MEGF10: variants seen among roughly 807,000 people sequenced by gnomAD.
MEGF10 encodes the protein multiple epidermal growth factor-like domains protein 10.
In MEGF10, 86 loss-of-function variants were observed where a neutral mutation model predicts 147.5. The ratio of observed to expected loss-of-function variants is 0.58; its 90% CI spans 0.49 to 0.70. The LOEUF is 0.70. Ranked by LOEUF, MEGF10 falls within the 30% of genes least tolerant of loss-of-function variation. The pLI is 0.00. For missense variants in MEGF10, 1,329 were observed against 1,487.3 expected (o/e 0.89, Z 1.75); for synonymous variants, 478 against 525.5 (o/e 0.91, Z 1.24).
intron 4 of MEGF10, among the ~76,000 whole-genome samples, chr5:127,359,053 G>GTTTTTTTTTTTTTTTTTTTTTT (rs199971770): frequency 6.8e-6 from 1 of 146,442 alleles, no homozygotes; most frequent in Non-Finnish European, 1.5e-5. Flanking sequence ...AACACAAGCT[G>GTTTTTTTTTTTTTTTTTTTTTT]TTTTGTTTTT....
In MEGF10 at chr5:127,457,436, G is replaced by C. The variant is rs1766408268; in HGVS notation, c.*118G>C. The C allele has an allele frequency of 8.8e-7, 1 of 1,140,224 alleles. No homozygotes were observed. Among genetic ancestry groups the C allele is most frequent in the Admixed American group, 2.8e-5 (1 of 35,888 alleles). The allele number at this position is 1,140,224 out of a possible 1,614,324, so 70.6% of individuals were successfully genotyped here. The stretch of plus-strand genomic sequence containing the variant: ...TTAGTCAATTCGGTGGGCAATTTTT[G>C]GACATGAACCAGAAAGCTGAAAGCT... On this transcript the variant is annotated 3_prime_UTR_variant, in exon 25 of 25. Transcript: ENST00000503335.
At chr5:127,429,852 T>C (rs900873191) in intron 13 of MEGF10, among the ~76,000 whole-genome samples, 3 of 152,186 alleles carry the variant, frequency 2.0e-5, no homozygotes, top group African/African-American at 4.8e-5. Context: ...AATTTAGTTG[T>C]GCCCCTTCCT....
intron 5 of MEGF10, among the ~76,000 whole-genome samples, chr5:127,388,147 A>G (rs1199599863): frequency 6.6e-6 from 1 of 152,014 alleles, no homozygotes; most frequent in African/African-American, 2.4e-5. Flanking sequence ...TTTGTATAGT[A>G]TTATCATTAT....
chr5:127,400,058 C>A (rs1764067890), intron 7 of MEGF10, among the ~76,000 whole-genome samples: 1 of 152,224 alleles, frequency 6.6e-6, no homozygotes, highest in African/African-American at 2.4e-5. Context: ...CTGGTATTGC[C>A]TTTTCTTGTG....
chr5:127,408,878 A>G (rs1764438309), intron 8 of MEGF10, among the ~76,000 whole-genome samples: 1 of 152,172 alleles, frequency 6.6e-6, no homozygotes, highest in South Asian at 2.1e-4. Context: ...GGAGTTTGAA[A>G]CCAGCCTGGG....
At chr5:127,410,687 T>A in intron 9 of MEGF10, 86 bp downstream of exon 9, 1 of 1,247,852 alleles carries the variant, frequency 8.0e-7, no homozygotes, top group Non-Finnish European at 1.1e-6. Flanking sequence ...ATTGATAGAG[T>A]GATTCTCACC....
At chr5:127,375,576 C>A (rs1195867190) in intron 5 of MEGF10, among the ~76,000 whole-genome samples, 1 of 152,162 alleles carries the variant, frequency 6.6e-6, no homozygotes, top group East Asian at 1.9e-4. Flanking sequence ...AATGCGTATC[C>A]TAGCTTTTAT....
chr5:127,283,382 C>T, the MEGF10 span, among the ~76,000 whole-genome samples: 1 of 152,274 alleles, frequency 6.6e-6, no homozygotes, highest in Admixed American at 6.5e-5. Flanking sequence ...CATGTCTTTA[C>T]TTCTGTGATT....
At chr5:127,435,724 A>T (rs918009777) in intron 16 of MEGF10, among the ~76,000 whole-genome samples, 1 of 152,098 alleles carries the variant, frequency 6.6e-6, no homozygotes, top group Non-Finnish European at 1.5e-5. Flanking sequence ...CTAAATATGT[A>T]ACATTTTCCT....
chr5:127,267,838 A>T, the MEGF10 span, among the ~76,000 whole-genome samples: 1 of 152,034 alleles, frequency 6.6e-6, no homozygotes, highest in Admixed American at 6.6e-5. Context: ...TCTTGCAAGC[A>T]GTCTATCAAT....
intron 13 of MEGF10, among the ~76,000 whole-genome samples, chr5:127,432,397 G>T (rs958334121): frequency 1.3e-5 from 2 of 152,202 alleles, no homozygotes; most frequent in East Asian, 3.8e-4. Context: ...GTGGTACTGG[G>T]TGGTTGTTAG....
intron 4 of MEGF10, among the ~76,000 whole-genome samples, chr5:127,345,462 G>A (rs983001001): frequency 6.6e-6 from 1 of 152,060 alleles, no homozygotes; most frequent in Non-Finnish European, 1.5e-5. Flanking sequence ...CAGAGAGTGT[G>A]GGCAACAGTG....
chr5:127,236,790 C>G, the MEGF10 span, among the ~76,000 whole-genome samples: 1 of 152,194 alleles, frequency 6.6e-6, no homozygotes, highest in Non-Finnish European at 1.5e-5. Flanking sequence ...TCTGTACTCC[C>G]AAAACATTTT....
the MEGF10 span, among the ~76,000 whole-genome samples, chr5:127,250,045 C>A: frequency 6.6e-6 from 1 of 152,074 alleles, no homozygotes; most frequent in Non-Finnish European, 1.5e-5. Flanking sequence ...CCTCTTAATA[C>A]TATTAAAATG....
At chr5:127,334,757 A>G (rs952262891) in intron 2 of MEGF10, among the ~76,000 whole-genome samples, 1 of 152,158 alleles carries the variant, frequency 6.6e-6, no homozygotes, top group Non-Finnish European at 1.5e-5. Flanking sequence ...TCTTCTAAAG[A>G]AGGCACAAGT....
chr5:127,291,960 G>T (rs1396693788), intron 1 of MEGF10, among the ~76,000 whole-genome samples: 1 of 152,182 alleles, frequency 6.6e-6, no homozygotes, highest in Non-Finnish European at 1.5e-5. Context: ...TGATAACCAT[G>T]CTGTGCCAAG....
At chr5:127,323,557 A>G (rs143217860) in intron 1 of MEGF10, among the ~76,000 whole-genome samples, 57 of 152,370 alleles carry the variant, frequency 3.7e-4, no homozygotes, top group Middle Eastern at 3.4e-3. Flanking sequence ...AAAGATGCCA[A>G]TGAAATGATG....
intron 5 of MEGF10, among the ~76,000 whole-genome samples, chr5:127,388,070 A>G (rs1030997158): frequency 1.3e-5 from 2 of 152,212 alleles, no homozygotes; most frequent in African/African-American, 4.8e-5. Flanking sequence ...CCTAATTTTC[A>G]GATCCATATA....
chr5:127,398,859 G>A, intron 7 of MEGF10, 63 bp downstream of exon 7: 1 of 1,600,920 alleles, frequency 6.2e-7, no homozygotes, highest in Admixed American at 1.7e-5. Flanking sequence ...GATACTCAGT[G>A]CATACACATG....
Sources: allele counts gnomAD v4.1 joint callset (sites outside exome capture counted in the v4.1 genomes callset), GRCh38; gene constraint gnomAD v4.1.1; transcripts MANE v1.5; gene names NCBI Gene and HGNC (gene_info 2026-07-23, HGNC 2026-07-21).